CCNB3: variants seen among roughly 807,000 people sequenced by gnomAD.
The protein encoded by CCNB3 is G2/mitotic-specific cyclin-B3.
CCNB3 carries 12 observed loss-of-function variants against 68.0 expected under a neutral mutation model. The ratio of observed to expected loss-of-function variants is 0.18; its 90% CI spans 0.11 to 0.29. CCNB3 has a LOEUF of 0.29. Among genes scored for constraint, CCNB3 ranks in the 10% least tolerant of loss-of-function variants. The pLI is 1.00. For synonymous variants in CCNB3, 354 were observed against 388.9 expected (o/e 0.91, Z 1.06); for missense variants, 904 against 993.1 (o/e 0.91, Z 1.21).
intron 10 of CCNB3, 83 bp downstream of exon 10, chrX:50,346,890 G>GA: frequency 1.0e-6 from 1 of 957,489 alleles, no homozygotes; most frequent in Non-Finnish European, 1.4e-6. Flanking sequence ...TGAGTGGTAG[G>GA]AAAGGGGAAA....
intron 1 of CCNB3, among the ~76,000 whole-genome samples, chrX:50,224,796 G>A (rs1935727130): frequency 9.0e-6 from 1 of 111,278 alleles, no homozygotes; most frequent in African/African-American, 3.3e-5. Context: ...ATGGAGTGGT[G>A]GTTATGTTTG....
At chrX:50,330,340 G>C (rs972575267) in intron 8 of CCNB3, among the ~76,000 whole-genome samples, 1 of 111,499 alleles carries the variant, frequency 9.0e-6, no homozygotes, top group African/African-American at 3.3e-5. Flanking sequence ...TAACTACCAG[G>C]CCTGGAATGC....
chrX:50,313,245 T>TA (rs1921559958), intron 7 of CCNB3, among the ~76,000 whole-genome samples: 1 of 111,435 alleles, frequency 9.0e-6, no homozygotes, highest in African/African-American at 3.3e-5. Context: ...AGGTCATGTA[T>TA]AAGAGGGTGG....
intron 1 of CCNB3, among the ~76,000 whole-genome samples, chrX:50,210,124 C>T (rs1200354202): frequency 9.0e-6 from 1 of 111,660 alleles, no homozygotes; most frequent in Non-Finnish European, 1.9e-5. Flanking sequence ...CATCTGTAAT[C>T]TATTTTCATG....
intron 4 of CCNB3, among the ~76,000 whole-genome samples, chrX:50,291,929 A>C (rs1557210166): frequency 9.0e-6 from 1 of 111,422 alleles, no homozygotes. Flanking sequence ...TTCTACATTT[A>C]ACTTGGAAAT....
intron 8 of CCNB3, among the ~76,000 whole-genome samples, chrX:50,330,210 G>C (rs1011085084): frequency 5.4e-5 from 6 of 111,737 alleles, no homozygotes; most frequent in Non-Finnish European, 1.1e-4. Context: ...TACATGACTT[G>C]GGGCTGCATA....
At position 50,339,254 on chromosome X, in the gene CCNB3, A is replaced by C. The variant is rs1287406238; in HGVS notation, c.3517-2948A>C. 2.7e-5 allele frequency among the ~76,000 whole-genome samples: 3 copies of C among 112,353 alleles called. No individual in the cohort carries two copies. The East Asian group carries it at 8.4e-4, about 31-fold the overall frequency. ...AAATGAGACATTAGTCAATATATGT[A>C]AGATGTACACTGGTTCACTCTGGAA... is the stretch of plus-strand genomic sequence containing the variant. On this transcript the variant is annotated intron_variant, in intron 8 of 12. Coordinates refer to ENST00000376042, the MANE Select transcript of CCNB3 (RefSeq NM_033031.3).
intron 8 of CCNB3, among the ~76,000 whole-genome samples, chrX:50,325,653 C>T (rs1241475017): frequency 3.6e-5 from 4 of 112,188 alleles, no homozygotes; most frequent in African/African-American, 1.3e-4. Context: ...CTCTAGTCAG[C>T]AAATGGTCAC....
At chrX:50,226,363 A>G (rs1205941143) in intron 1 of CCNB3, among the ~76,000 whole-genome samples, 1 of 67,347 alleles carries the variant, frequency 1.5e-5, no homozygotes, top group East Asian at 5.4e-4. Flanking sequence ...AAATATGTAT[A>G]GAATATATAT....
At chrX:50,211,726 C>T (rs1181500066) in intron 1 of CCNB3, among the ~76,000 whole-genome samples, 13 of 111,266 alleles carry the variant, frequency 1.2e-4, no homozygotes, top group Non-Finnish European at 2.3e-4. Context: ...TAGGAGATCG[C>T]AGCTGTTGGA....
chrX:50,320,148 T>G (rs782132528), intron 8 of CCNB3, among the ~76,000 whole-genome samples: 1 of 111,178 alleles, frequency 9.0e-6, no homozygotes. Flanking sequence ...TAAAATAAGT[T>G]GGGAATTATC....
intron 7 of CCNB3, 109 bp from the exon 8 acceptor site, chrX:50,313,747 C>A: frequency 1.9e-6 from 1 of 529,768 alleles, no homozygotes; most frequent in Non-Finnish European, 3.1e-6. Context: ...TCTCTAATAC[C>A]AGTTGAAAAC....
At chrX:50,341,586 A>G (rs1244461822) in intron 8 of CCNB3, 1 of 109,852 alleles carries the variant, frequency 9.1e-6, no homozygotes, top group Non-Finnish European at 1.9e-5. Flanking sequence ...TTGAAAAGAT[A>G]AATAAAATTG....
intron 8 of CCNB3, among the ~76,000 whole-genome samples, chrX:50,339,376 A>G (rs1198844773): frequency 8.9e-6 from 1 of 112,626 alleles, no homozygotes; most frequent in Non-Finnish European, 1.9e-5. Flanking sequence ...AGCCTTACCA[A>G]AGGAACCGAT....
At chrX:50,222,079 G>A (rs1197384861) in intron 1 of CCNB3, among the ~76,000 whole-genome samples, 2 of 110,620 alleles carry the variant, frequency 1.8e-5, no homozygotes, top group South Asian at 3.9e-4. Flanking sequence ...TTAGAGACTA[G>A]GTTTGCAACC....
chrX:50,227,015 TA>T (rs1371399768), intron 1 of CCNB3, among the ~76,000 whole-genome samples: 4 of 76,640 alleles, frequency 5.2e-5, no homozygotes, highest in Non-Finnish European at 6.9e-5. Flanking sequence ...AGAAAATATA[TA>T]AAATATATAT....
At chrX:50,342,433 T>A in intron 9 of CCNB3, 94 bp downstream of exon 9, 5 of 862,227 alleles carry the variant, frequency 5.8e-6, no homozygotes, top group Non-Finnish European at 8.0e-6. Context: ...TGTTATGTGC[T>A]GCATAACAAT....
At chrX:50,347,472 A>C (rs1557220514) in intron 10 of CCNB3, among the ~76,000 whole-genome samples, 154 bp from the exon 11 acceptor site, 2 of 110,281 alleles carry the variant, frequency 1.8e-5, no homozygotes, top group African/African-American at 6.6e-5. Flanking sequence ...TTTTGTGGGT[A>C]GGGAAGATGA....
intron 11 of CCNB3, among the ~76,000 whole-genome samples, chrX:50,349,479 A>G (rs959600223): frequency 8.9e-6 from 1 of 112,329 alleles, no homozygotes; most frequent in Non-Finnish European, 1.9e-5. Context: ...GTATAGCAAA[A>G]GAGAAGGTAG....
Sources: gnomAD v4.1 joint callset for allele counts (sites outside exome capture counted in the v4.1 genomes callset) on GRCh38, gnomAD v4.1.1 for gene constraint, MANE v1.5 for transcripts, NCBI Gene and HGNC (gene_info 2026-07-23, HGNC 2026-07-21) for gene names.